The following GPR149 variants were observed in gnomAD, a reference collection of about 807,000 sequenced individuals.
The protein encoded by GPR149 is probable G protein-coupled receptor 149.
A neutral mutation model predicts 50.2 loss-of-function variants in GPR149; 50 were observed. The observed-to-expected ratio is 1.00, with a 90% confidence interval of 0.79 to 1.26. The LOEUF (loss-of-function observed/expected upper bound fraction) is 1.26, where lower values mean the gene tolerates loss of function less well. Among genes scored for constraint, GPR149 ranks in the 50% most tolerant of loss-of-function variants. GPR149 has a pLI of 0.00. For missense variants in GPR149, 983 were observed against 895.4 expected (o/e 1.10, Z -1.25); for synonymous variants, 405 against 358.2 (o/e 1.13, Z -1.48).
At position 154,337,964 on chromosome 3, in the gene GPR149, G is replaced by A. The variant is rs1559967421; in HGVS notation, c.1931C>T (p.Ser644Phe). Reference sequence around the variant, plus strand: ...TAGGGATGGAGATCTGACTTGTGTGGAGGACTGACTGATGTTACTAATGAT... The same window carrying A: ...TAGGGATGGAGATCTGACTTGTGTGAAGGACTGACTGATGTTACTAATGAT... ...VSIISNISQS[S>F]TQVRSPSLRY... The change falls in exon 4 of 4, where the codon TCC becomes TTC. Residue 644 changes from serine to phenylalanine, a missense_variant. Physicochemically the swap from Ser to Phe is radical, Grantham distance 155 (BLOSUM62 -2). Coordinates refer to ENST00000389740, the MANE Select transcript of GPR149 (RefSeq NM_001038705.3). 30 of 1,614,070 alleles carry A rather than the reference G, an allele frequency of 1.9e-5. No individual in the cohort carries two copies. Among genetic ancestry groups the A allele is most frequent in the Non-Finnish European group, 2.5e-5 (30 of 1,179,958 alleles).
chr3:154,366,984 A>C (rs770408486), intron 3 of GPR149, among the ~76,000 whole-genome samples: 3 of 152,194 alleles, frequency 2.0e-5, no homozygotes, highest in Non-Finnish European at 4.4e-5. Flanking sequence ...GTGCTGCTTT[A>C]ATAAAATACC....
chr3:154,356,089 G>A (rs560405700), intron 3 of GPR149, among the ~76,000 whole-genome samples: 1 of 152,158 alleles, frequency 6.6e-6, no homozygotes, highest in African/African-American at 2.4e-5. Context: ...GAGCACTTGG[G>A]ACCTTCCTGG....
chr3:154,428,890 A>G lies in GPR149; in HGVS notation c.726T>C (p.Pro242=), dbSNP rs1559993607. The G allele has an allele frequency of 6.2e-7, 1 of 1,613,944 alleles. No individual in the cohort carries two copies. The highest frequency in any genetic ancestry group is 8.5e-7 in the Non-Finnish European group (1 of 1,179,940). Residue 242 remains proline (P), a synonymous_variant, in exon 1 of 4, where the codon CCT becomes CCC. Coordinates refer to ENST00000389740, the MANE Select transcript of GPR149 (RefSeq NM_001038705.3). ...GGGAAACCACTCTCCCCGCAGTAGGAGGGGTCCCAGGAATTGAAGCTCCAC... is the reference window on the plus strand; with the variant it reads ...GGGAAACCACTCTCCCCGCAGTAGGGGGGGTCCCAGGAATTGAAGCTCCAC... ...ISRGASIPGT[P]PTAGRVVSLS...
At chr3:154,427,456 A>G (rs1429778994) in intron 2 of GPR149, 60 bp downstream of exon 2, 2 of 1,474,820 alleles carry the variant, frequency 1.4e-6, no homozygotes, top group African/African-American at 1.4e-5. Context: ...TTAATAGACC[A>G]CTTTTCTGAA....
At chr3:154,342,739 A>G (rs1211366893) in intron 3 of GPR149, among the ~76,000 whole-genome samples, 1 of 151,660 alleles carries the variant, frequency 6.6e-6, no homozygotes, top group African/African-American at 2.4e-5. Context: ...AGTAAAAACA[A>G]TGGTCATTTT....
At chr3:154,371,886 T>C (rs1056605961) in intron 3 of GPR149, among the ~76,000 whole-genome samples, 1 of 152,160 alleles carries the variant, frequency 6.6e-6, no homozygotes. Flanking sequence ...AACCTCCTTG[T>C]CAAATTTGTT....
chr3:154,387,139 A>G (rs1315784904), intron 3 of GPR149, among the ~76,000 whole-genome samples: 4 of 152,200 alleles, frequency 2.6e-5, no homozygotes, highest in Non-Finnish European at 4.4e-5. Flanking sequence ...GTTCCTGGAC[A>G]TTTTATGCTT....
chr3:154,381,303 T>A (rs933599531), intron 3 of GPR149, among the ~76,000 whole-genome samples: 1 of 152,206 alleles, frequency 6.6e-6, no homozygotes. Flanking sequence ...TCCATTCACA[T>A]TGTCACAATC....
intron 3 of GPR149, chr3:154,354,183 T>C: frequency 2.0e-6 from 1 of 495,716 alleles, no homozygotes; most frequent in South Asian, 1.6e-5. Flanking sequence ...ATAACAACAT[T>C]TTCTCTTGTT....
intron 3 of GPR149, among the ~76,000 whole-genome samples, chr3:154,349,833 C>T (rs1714024841): frequency 6.6e-6 from 1 of 152,064 alleles, no homozygotes; most frequent in South Asian, 2.1e-4. Flanking sequence ...ATGCAAGCAT[C>T]CTTAACAAAT....
chr3:154,426,013 C>G (rs9289948), intron 2 of GPR149, among the ~76,000 whole-genome samples: 73,491 of 151,816 alleles, frequency 0.48, 18,207 homozygotes, highest in African/African-American at 0.61. Context: ...AGACCGGGCT[C>G]GTTCACTAGT....
chr3:154,368,704 G>A (rs544213831), intron 3 of GPR149, among the ~76,000 whole-genome samples: 3 of 152,218 alleles, frequency 2.0e-5, no homozygotes, highest in Non-Finnish European at 4.4e-5. Context: ...TTGATGGCAA[G>A]TGGGGACAGA....
At chr3:154,358,282 A>T (rs1714291985) in intron 3 of GPR149, among the ~76,000 whole-genome samples, 1 of 152,162 alleles carries the variant, frequency 6.6e-6, no homozygotes, top group Admixed American at 6.5e-5. Flanking sequence ...CTAAAACTTA[A>T]AGTATAAGAA....
intron 3 of GPR149, among the ~76,000 whole-genome samples, chr3:154,362,158 G>A (rs900473319): frequency 1.4e-4 from 22 of 151,936 alleles, no homozygotes; most frequent in Admixed American, 2.6e-4. Flanking sequence ...GCGTGGTGGC[G>A]GGCATCTGTA....
At chr3:154,400,900 A>T (rs1046930273) in intron 3 of GPR149, among the ~76,000 whole-genome samples, 6 of 152,228 alleles carry the variant, frequency 3.9e-5, no homozygotes, top group African/African-American at 1.4e-4. Context: ...AAAGGATATT[A>T]AATATCATTT....
chr3:154,421,362 C>G lies in GPR149; in HGVS notation c.1300G>C (p.Glu434Gln), dbSNP rs1482440946. The change falls in exon 3 of 4, where the codon GAG becomes CAG. Residue 434 changes from glutamate (E) to glutamine (Q), a missense_variant. Coordinates refer to ENST00000389740, the MANE Select transcript of GPR149 (RefSeq NM_001038705.3). ...TGAGGGTCTTTTGTAGTTTCACACT[C>G]AGAGTTCATCAGGTTGTGATAGAAT... ...SIFYHNLMNS[E>Q]CETTKDPQRD... The G allele has an allele frequency of 6.2e-7, 1 of 1,613,070 alleles. No individual in the cohort carries two copies. The highest frequency in any genetic ancestry group is 8.5e-7 in the Non-Finnish European group (1 of 1,179,330).
Position 154,421,205 on chromosome 3 carries a change from T to C in GPR149, c.1457A>G (p.Asn486Ser). 1 of 1,613,606 alleles carries C rather than the reference T, an allele frequency of 6.2e-7. No individual in the cohort carries two copies. The highest frequency in any genetic ancestry group is 8.5e-7 in the Non-Finnish European group (1 of 1,179,650). ...TDITEAKQDS[N>S]NKKDAFSDKT... ...GTCAGAAAACGCATCCTTTTTGTTGTTGGAATCCTGTTTAGCTTCTGTAAT... is the reference window on the plus strand; with the variant it reads ...GTCAGAAAACGCATCCTTTTTGTTGCTGGAATCCTGTTTAGCTTCTGTAAT... Residue 486 changes from asparagine to serine, a missense_variant, in exon 3 of 4, where the codon AAC becomes AGC. Transcript: ENST00000389740.
At position 154,429,658 on chromosome 3, in the gene GPR149, T is replaced by A. The variant is rs1315082383; in HGVS notation, c.-43A>T. ...TAATTTCCCTTATCAATGAGTCTGATAATTTTCTCAAAAGAAAGACCGGCT... is the reference window on the plus strand; with the variant it reads ...TAATTTCCCTTATCAATGAGTCTGAAAATTTTCTCAAAAGAAAGACCGGCT... On this transcript the variant is annotated 5_prime_UTR_variant, in exon 1 of 4. Coordinates refer to ENST00000389740, the MANE Select transcript of GPR149 (RefSeq NM_001038705.3). 6.5e-7 allele frequency: 1 copy of A among 1,539,968 alleles called. No individual in the cohort carries two copies. Among genetic ancestry groups the A allele is most frequent in the African/African-American group, 1.4e-5 (1 of 72,416 alleles).
chr3:154,397,404 A>ACC (rs1407749612), intron 3 of GPR149, among the ~76,000 whole-genome samples: 13 of 152,170 alleles, frequency 8.5e-5, no homozygotes, highest in African/African-American at 3.1e-4. Flanking sequence ...TTATGTCAGG[A>ACC]GTGTGCTAGA....
Sources: gnomAD v4.1 joint callset for allele counts (sites outside exome capture counted in the v4.1 genomes callset) on GRCh38, gnomAD v4.1.1 for gene constraint, MANE v1.5 for transcripts, NCBI Gene and HGNC (gene_info 2026-07-23, HGNC 2026-07-21) for gene names.